KCTD16: variants seen among roughly 807,000 people sequenced by gnomAD.
KCTD16 encodes BTB/POZ domain-containing protein KCTD16.
Under a neutral mutation model 33.2 loss-of-function variants are expected in KCTD16, and 13 were observed. That is an observed-to-expected ratio of 0.39 (90% CI 0.25 to 0.62). The LOEUF is 0.62. KCTD16 is among the 20% of genes least tolerant of loss of function. The pLI is 0.50. For missense variants in KCTD16, 441 were observed against 525.1 expected, an observed-to-expected ratio of 0.84 and a Z score of 1.57; for synonymous variants, 197 against 195.3, an observed-to-expected ratio of 1.01 and a Z score of -0.07.
chr5:144,266,283 A>C (rs923849270), intron 3 of KCTD16, among the ~76,000 whole-genome samples: 1 of 152,156 alleles, frequency 6.6e-6, no homozygotes, highest in African/African-American at 2.4e-5. Flanking sequence ...GAAATAAAAA[A>C]CTGAGAGAGA....
chr5:144,421,334 C>T (rs1047806830), intron 3 of KCTD16, among the ~76,000 whole-genome samples: 2 of 152,058 alleles, frequency 1.3e-5, no homozygotes, highest in Admixed American at 1.3e-4. Flanking sequence ...ATTAAGGTTC[C>T]CCTGTGTCCA....
At chr5:144,174,846 A>C (rs1752467106) in intron 2 of KCTD16, among the ~76,000 whole-genome samples, 1 of 152,222 alleles carries the variant, frequency 6.6e-6, no homozygotes, top group Non-Finnish European at 1.5e-5. Context: ...CAATATTGTA[A>C]ATACTGTAAA....
At chr5:144,203,391 G>T (rs1019229384) in intron 2 of KCTD16, among the ~76,000 whole-genome samples, 1 of 151,944 alleles carries the variant, frequency 6.6e-6, no homozygotes, top group African/African-American at 2.4e-5. Context: ...TAAACTTGCC[G>T]CCTCTCTATT....
At chr5:144,221,773 T>C (rs1753763851) in intron 3 of KCTD16, among the ~76,000 whole-genome samples, 1 of 152,208 alleles carries the variant, frequency 6.6e-6, no homozygotes, top group Admixed American at 6.5e-5. Context: ...ATCCTTTGGG[T>C]ATATACCCAG....
chr5:144,440,915 G>A (rs1432523308), intron 3 of KCTD16, among the ~76,000 whole-genome samples: 3 of 129,560 alleles, frequency 2.3e-5, no homozygotes, highest in East Asian at 4.5e-4. Flanking sequence ...ACAGTCCCCG[G>A]TGTGTGATGT....
chr5:144,409,083 C>G (rs374871770), intron 3 of KCTD16, among the ~76,000 whole-genome samples: 2 of 152,152 alleles, frequency 1.3e-5, no homozygotes, highest in African/African-American at 4.8e-5. Flanking sequence ...CAGTATCTAG[C>G]ACATGTAAAT....
chr5:144,479,758 C>T lies in KCTD16; in HGVS notation c.*5644C>T, dbSNP rs1371580496. On this transcript the variant is annotated 3_prime_UTR_variant, in exon 4 of 4. Coordinates refer to ENST00000512467, the MANE Select transcript of KCTD16 (RefSeq NM_020768.4). ...CTTGCTTGTGAACAAATTTTGTTGC[C>T]AATTAGGTAAAAAATGTTAAGTTCC... The T allele has an allele frequency of 6.6e-6, 1 of 151,794 alleles. No homozygotes were observed. Among genetic ancestry groups the T allele is most frequent in the African/African-American group, 2.4e-5 (1 of 41,362 alleles). 9.4% of individuals were successfully genotyped at this position (151,794 alleles called of 1,614,324 possible). A position where few individuals can be genotyped will look rare whatever the true frequency, so the allele number is the denominator to read the frequency against.
chr5:144,192,010 A>C (rs1752851357), intron 2 of KCTD16, among the ~76,000 whole-genome samples: 1 of 152,186 alleles, frequency 6.6e-6, no homozygotes, highest in Non-Finnish European at 1.5e-5. Context: ...TACAGTGAGA[A>C]GGGATCAGTT....
chr5:144,375,821 C>A (rs1752078624), intron 3 of KCTD16, among the ~76,000 whole-genome samples: 1 of 152,032 alleles, frequency 6.6e-6, no homozygotes, highest in Admixed American at 6.6e-5. Context: ...TTCCTTCCTT[C>A]CTTCCTTTCT....
chr5:144,353,154 G>A (rs1751484293), intron 3 of KCTD16, among the ~76,000 whole-genome samples: 1 of 152,194 alleles, frequency 6.6e-6, no homozygotes, highest in Admixed American at 6.5e-5. Flanking sequence ...GCCCTACCCA[G>A]ACACTGGTGC....
At chr5:144,173,371 T>C (rs1403258911) in intron 1 of KCTD16, among the ~76,000 whole-genome samples, 1 of 152,146 alleles carries the variant, frequency 6.6e-6, no homozygotes, top group African/African-American at 2.4e-5. Context: ...CTTAGCAAAC[T>C]AATGCAGGAA....
At chr5:144,357,480 AG>A (rs1318104813) in intron 3 of KCTD16, among the ~76,000 whole-genome samples, 14 of 152,190 alleles carry the variant, frequency 9.2e-5, no homozygotes, top group Non-Finnish European at 1.0e-4. Flanking sequence ...CAGGGAAAAA[AG>A]GTATAAAATA....
intron 3 of KCTD16, among the ~76,000 whole-genome samples, chr5:144,277,187 T>C (rs1484064235): frequency 1.3e-5 from 2 of 152,244 alleles, no homozygotes; most frequent in East Asian, 1.9e-4. Context: ...AATAACAATT[T>C]ACAATTGCAT....
intron 3 of KCTD16, among the ~76,000 whole-genome samples, chr5:144,223,368 A>T (rs992472990): frequency 6.6e-6 from 1 of 152,224 alleles, no homozygotes; most frequent in African/African-American, 2.4e-5. Context: ...GACATCATTA[A>T]AGTAACAAAA....
chr5:144,478,096 C>A lies in KCTD16; in HGVS notation c.*3982C>A, dbSNP rs148135056. 7.9e-5 allele frequency: 12 copies of A among 152,094 alleles called. No homozygotes were observed. Among genetic ancestry groups the A allele is most frequent in the African/African-American group, 2.9e-4 (12 of 41,502 alleles). The allele number at this position is 152,094 out of a possible 1,614,324, so 9.4% of individuals were successfully genotyped here. A position where few individuals can be genotyped will look rare whatever the true frequency, so the allele number is the denominator to read the frequency against. On this transcript the variant is annotated 3_prime_UTR_variant, in exon 4 of 4. Coordinates refer to ENST00000512467, the MANE Select transcript of KCTD16 (RefSeq NM_020768.4). Reference sequence around the variant, plus strand: ...CTTGGTATTGTTGGTGTCTTGCAATCTTGATGCCCCACAGTTTCAATTTAT... The same window carrying A: ...CTTGGTATTGTTGGTGTCTTGCAATATTGATGCCCCACAGTTTCAATTTAT...
chr5:144,268,710 A>G (rs1218152450), intron 3 of KCTD16, among the ~76,000 whole-genome samples: 1 of 152,192 alleles, frequency 6.6e-6, no homozygotes, highest in East Asian at 1.9e-4. Flanking sequence ...ACAGAAAAGC[A>G]TGAAACATTC....
rs1459980156 is a variant in KCTD16, at chr5:144,476,413, A to G, written c.*2299A>G. 1.3e-5 allele frequency: 2 copies of G among 152,176 alleles called. No individual in the cohort carries two copies. Among genetic ancestry groups the G allele is most frequent in the East Asian group, 3.9e-4 (2 of 5,184 alleles). The allele number at this position is 152,176 out of a possible 1,614,324, so 9.4% of individuals were successfully genotyped here. A position where few individuals can be genotyped will look rare whatever the true frequency, so the allele number is the denominator to read the frequency against. On this transcript the variant is annotated 3_prime_UTR_variant, in exon 4 of 4. Transcript: ENST00000512467. Reference sequence around the variant, plus strand: ...ATTTCTACTACATTCTTTAAACAGGAAATTAAACACTGCAAAAGGAGTGTT... The same window carrying G: ...ATTTCTACTACATTCTTTAAACAGGGAATTAAACACTGCAAAAGGAGTGTT...
rs531196896 is a variant in KCTD16, at chr5:144,261,047, T to C, written c.832+53501T>C. On this transcript the variant is annotated intron_variant, in intron 3 of 3. Coordinates refer to ENST00000512467, the MANE Select transcript of KCTD16 (RefSeq NM_020768.4). Reference sequence around the variant, plus strand: ...TCTAGAATTGATGAAACGACCCCAATTGGGTCCCAATTAGCTTAGCAACAG... The same window carrying C: ...TCTAGAATTGATGAAACGACCCCAACTGGGTCCCAATTAGCTTAGCAACAG... Among the ~76,000 whole-genome samples the C allele has an allele frequency of 6.6e-5, 10 of 151,800 alleles. No homozygotes were observed. The East Asian group carries it at 1.9e-3, about 29-fold the overall frequency.
chr5:144,410,381 C>T (rs763802736), intron 3 of KCTD16, among the ~76,000 whole-genome samples: 32 of 152,138 alleles, frequency 2.1e-4, no homozygotes, highest in Non-Finnish European at 3.7e-4. Context: ...ATTAGTACTG[C>T]TTTGCTATTT....
Sources: allele counts gnomAD v4.1 joint callset (sites outside exome capture counted in the v4.1 genomes callset), GRCh38; gene constraint gnomAD v4.1.1; transcripts MANE v1.5; gene names NCBI Gene and HGNC (gene_info 2026-07-23, HGNC 2026-07-21).